Variants in PEG3 observed in about 807,000 individuals in gnomAD.
PEG3 encodes paternally expressed 3.
Under a neutral mutation model 35.5 loss-of-function variants are expected in PEG3, and 23 were observed. That is an observed-to-expected ratio of 0.65 (90% confidence interval 0.47 to 0.92). The LOEUF (loss-of-function observed/expected upper bound fraction) is 0.92. Among genes scored for constraint, PEG3 ranks in the 40% least tolerant of loss-of-function variants. PEG3 has a pLI of 0.00. For synonymous variants in PEG3, 707 were observed against 697.0 expected, an observed-to-expected ratio of 1.01 and a Z score of -0.23; for missense variants, 1,960 against 1,985.3, an observed-to-expected ratio of 0.99 and a Z score of 0.24.
In PEG3 at chr19:56,816,106, A is replaced by G. The variant is rs1186250570; in HGVS notation, c.2336T>C (p.Ile779Thr). ...AGCTTCCACAGAGGCTAAGCTATGA[A>G]TAACAGACCTCTCATATGATTTTGC... ...YEAKSYERSVIHSLASVEAQK... is the reference protein window; with the variant it reads ...YEAKSYERSVTHSLASVEAQK... Residue 779 changes from isoleucine (I) to threonine (T), a missense_variant, in exon 10 of 10, where the codon ATT (isoleucine) becomes ACT (threonine). Ile to Thr is a moderately conservative substitution (Grantham distance 89, BLOSUM62 -1). This residue lies in a region of PEG3 where 798 missense variants were observed against 782.4 expected (regional missense o/e 1.02). Coordinates refer to ENST00000326441, the MANE Select transcript of PEG3 (RefSeq NM_006210.3). The G allele has an allele frequency of 6.2e-7, 1 of 1,611,782 alleles. No individual in the cohort carries two copies. The highest frequency in any genetic ancestry group is 2.2e-5 in the East Asian group (1 of 44,844).
At chr19:56,829,702 C>T (rs1453906704) in intron 2 of PEG3, among the ~76,000 whole-genome samples, 5 of 152,222 alleles carry the variant, frequency 3.3e-5, no homozygotes, top group Admixed American at 1.3e-4. Flanking sequence ...GGATTCAACC[C>T]GTCCTCTACT....
Position 56,813,857 on chromosome 19 carries a change from T to C in PEG3, c.4585A>G (p.Ser1529Gly). 1 of 1,614,238 alleles carries C rather than the reference T, an allele frequency of 6.2e-7. No individual in the cohort carries two copies. The highest frequency in any genetic ancestry group is 8.5e-7 in the Non-Finnish European group (1 of 1,180,036). The change falls in exon 10 of 10, where the codon AGC (serine) becomes GGC (glycine). Residue 1529 changes from serine to glycine, a missense_variant. By Grantham distance (56) the Ser-to-Gly change is moderately conservative. This residue lies in a region of PEG3 where 416 missense variants were observed against 416.7 expected (regional missense o/e 1.00). Coordinates refer to ENST00000326441, the MANE Select transcript of PEG3 (RefSeq NM_006210.3). ...TTTGCAGGCTCAAATATGATCATGCTGGCATGAGTTTTCAGGTGTTCACTG... is the reference window on the plus strand; with the variant it reads ...TTTGCAGGCTCAAATATGATCATGCCGGCATGAGTTTTCAGGTGTTCACTG... ...AFSEHLKTHA[S>G]MIIFEPANAF...
chr19:56,819,267 T>C (rs996876966), intron 7 of PEG3, among the ~76,000 whole-genome samples: 1 of 152,234 alleles, frequency 6.6e-6, no homozygotes, highest in Non-Finnish European at 1.5e-5. Context: ...CTCCATGGCA[T>C]AGCATGGCTA....
intron 1 of PEG3, among the ~76,000 whole-genome samples, chr19:56,839,858 CCAGT>C (rs2062772850): frequency 6.6e-6 from 1 of 152,172 alleles, no homozygotes; most frequent in African/African-American, 2.4e-5. Flanking sequence ...CCAATGCCAC[CCAGT>C]CACTTGAGCC....
Position 56,813,988 on chromosome 19 carries a change from A to G in PEG3, c.4454T>C (p.Val1485Ala). 1 of 1,614,000 alleles carries G rather than the reference A, an allele frequency of 6.2e-7. No homozygotes were observed. Residue 1485 changes from valine to alanine, a missense_variant, in exon 10 of 10, where the codon GTG becomes GCG. Transcript: ENST00000326441. ...ACCTTCTTCTGGGTCTTCAATTCCC[A>G]CACCGTCAGGCTCGTCGGCATCTCC... The part of the protein sequence containing the change: ...PEGDADEPDG[V>A]GIEDPEEGED...
Position 56,815,776 on chromosome 19 carries a change from C to G in PEG3, c.2666G>C (p.Arg889Pro). 6.2e-7 allele frequency: 1 copy of G among 1,613,608 alleles called. No individual in the cohort carries two copies. Among genetic ancestry groups the G allele is most frequent in the Non-Finnish European group, 8.5e-7 (1 of 1,179,678 alleles). ...ENPCEGGSKN[R>P]NYEDSVIQSV... is the part of the protein sequence containing the mutation. ...CTGTATGACAGAGTCTTCATAGTTG[C>G]GATTCTTACTGCCCCCTTCACAAGG... Residue 889 changes from arginine (R) to proline (P), a missense_variant, in exon 10 of 10, where the codon CGC becomes CCC. Coordinates refer to ENST00000326441, the MANE Select transcript of PEG3 (RefSeq NM_006210.3).
intron 7 of PEG3, among the ~76,000 whole-genome samples, chr19:56,820,069 T>C (rs2060333025): frequency 6.6e-6 from 1 of 152,238 alleles, no homozygotes; most frequent in Admixed American, 6.5e-5. Flanking sequence ...AAAATTAAAA[T>C]CTAGGCCAGT....
chr19:56,820,121 A>G lies in PEG3; in HGVS notation c.670-1419T>C, dbSNP rs138442777. Among the ~76,000 whole-genome samples, 521 of 152,376 alleles carry G rather than the reference A, an allele frequency of 3.4e-3. 2 individuals are homozygous for G. The highest frequency in any genetic ancestry group is 0.012 in the African/African-American group (489 of 41,590). ...GTTGTTCGCTTTGTGTTTGTAATCA[A>G]CAATGACATCTTAATGCATACAAAC... On this transcript the variant is annotated intron_variant, in intron 7 of 9. Transcript: ENST00000326441.
chr19:56,824,341 C>A lies in PEG3; in HGVS notation c.315G>T (p.Trp105Cys), dbSNP rs1227589813. 1 of 1,613,900 alleles carries A rather than the reference C, an allele frequency of 6.2e-7. No homozygotes were observed. ...LTIIPEKLKP[W>C]VRAKKPENCE... Reference sequence around the variant, plus strand: ...AGTTCTCCGGCTTTTTTGCTCGCACCCAAGGCTTGAGCTTTTCAGGGATGA... The same window carrying A: ...AGTTCTCCGGCTTTTTTGCTCGCACACAAGGCTTGAGCTTTTCAGGGATGA... The change falls in exon 4 of 10, where the codon TGG becomes TGT. Residue 105 changes from tryptophan to cysteine, a missense_variant. Around this residue, in one of 5 missense-constraint regions of PEG3, gnomAD observed 613 missense variants for 577.1 expected, o/e 1.06. Coordinates refer to ENST00000326441, the MANE Select transcript of PEG3 (RefSeq NM_006210.3).
chr19:56,829,883 C>T (rs1315495851), intron 2 of PEG3, among the ~76,000 whole-genome samples: 1 of 152,220 alleles, frequency 6.6e-6, no homozygotes, highest in African/African-American at 2.4e-5. Flanking sequence ...CCCCCACTTC[C>T]CCAGGCCAGC....
In PEG3 at chr19:56,812,389, C is replaced by G. The variant is rs2059597585; in HGVS notation, c.*1286G>C. ...ATTAAGGCTGCTGGGGAACCTGAGT[C>G]CATGTTAAGCTTGGGTTGACTGTAA... On this transcript the variant is annotated 3_prime_UTR_variant, in exon 10 of 10. Coordinates refer to ENST00000326441, the MANE Select transcript of PEG3 (RefSeq NM_006210.3). 3.0e-6 allele frequency: 3 copies of G among 984,278 alleles called. No individual in the cohort carries two copies. Among genetic ancestry groups the G allele is most frequent in the Non-Finnish European group, 3.6e-6 (3 of 829,578 alleles). The allele number at this position is 984,278 out of a possible 1,614,324, so 61.0% of individuals were successfully genotyped here. A position where few individuals can be genotyped will look rare whatever the true frequency, so the allele number is the denominator to read the frequency against.
chr19:56,815,093 C>A lies in PEG3; in HGVS notation c.3349G>T (p.Val1117Leu), dbSNP rs763332875. 1.2e-6 allele frequency: 2 copies of A among 1,613,622 alleles called. No homozygotes were observed. Among genetic ancestry groups the A allele is most frequent in the Non-Finnish European group, 1.7e-6 (2 of 1,179,734 alleles). Residue 1117 changes from valine (V) to leucine (L), a missense_variant, in exon 10 of 10, where the codon GTG (valine) becomes TTG (leucine). By Grantham distance (32) the Val-to-Leu change is conservative. Coordinates refer to ENST00000326441, the MANE Select transcript of PEG3 (RefSeq NM_006210.3). ...YECEDCGLGF[V>L]DLTDLTDHQK... ...TGGTCTGTGAGGTCTGTGAGATCCA[C>A]AAAGCCCAGGCCACAGTCCTCACAT... is the stretch of plus-strand genomic sequence containing the variant.
chr19:56,817,639 T>C, intron 9 of PEG3, 60 bp from the exon 10 acceptor site: 8 of 1,515,712 alleles, frequency 5.3e-6, no homozygotes, highest in Non-Finnish European at 7.3e-6. Flanking sequence ...CAGTGGGACT[T>C]GGAGGGGTGC....
chr19:56,829,247 G>A lies in PEG3; in HGVS notation c.-162-2784C>T, dbSNP rs2061352126. 2.0e-5 allele frequency among the ~76,000 whole-genome samples: 3 copies of A among 151,704 alleles called. 1 individual carries two copies. Among genetic ancestry groups the A allele is most frequent in the Admixed American group, 6.6e-5 (1 of 15,230 alleles). ...TAATCCCAGCTACTCAGGAGGCTGAGGCAGGAGAATCACTTGGACCCAGGA... is the reference window on the plus strand; with the variant it reads ...TAATCCCAGCTACTCAGGAGGCTGAAGCAGGAGAATCACTTGGACCCAGGA... On this transcript the variant is annotated intron_variant, in intron 2 of 9. Coordinates refer to ENST00000326441, the MANE Select transcript of PEG3 (RefSeq NM_006210.3).
At position 56,814,645 on chromosome 19, in the gene PEG3, C is replaced by G. The variant is rs2059807760; in HGVS notation, c.3797G>C (p.Gly1266Ala). The G allele has an allele frequency of 6.2e-7, 1 of 1,614,114 alleles. No homozygotes were observed. The highest frequency in any genetic ancestry group is 8.5e-7 in the Non-Finnish European group (1 of 1,180,018). ...SQMAEEAIIPGLALTEFQRSQ... is the reference protein window; with the variant it reads ...SQMAEEAIIPALALTEFQRSQ... The stretch of plus-strand genomic sequence containing the variant: ...TCTCTGAAACTCAGTGAGGGCTAAG[C>G]CTGGAATGATAGCTTCCTCAGCCAT... Residue 1266 changes from glycine (G) to alanine (A), a missense_variant, in exon 10 of 10, where the codon GGC (glycine) becomes GCC (alanine). Gly to Ala is a moderately conservative substitution (Grantham distance 60, BLOSUM62 0). Coordinates refer to ENST00000326441, the MANE Select transcript of PEG3 (RefSeq NM_006210.3). The surrounding 1 kb of genome is among the most constrained non-coding windows in gnomAD (Gnocchi z 5.8).
rs1030058878 is a variant in PEG3 at position 56,813,989 on chromosome 19, C to T, written c.4453G>A (p.Val1485Met). ...PEGDADEPDG[V>M]GIEDPEEGED... ...CCTTCTTCTGGGTCTTCAATTCCCA[C>T]ACCGTCAGGCTCGTCGGCATCTCCC... The change falls in exon 10 of 10, where the codon GTG (valine) becomes ATG (methionine). Residue 1485 changes from valine (V) to methionine (M), a missense_variant. Val to Met is a conservative substitution (Grantham distance 21, BLOSUM62 1). Coordinates refer to ENST00000326441, the MANE Select transcript of PEG3 (RefSeq NM_006210.3). The T allele has an allele frequency of 6.2e-7, 1 of 1,614,118 alleles. No homozygotes were observed. The highest frequency in any genetic ancestry group is 8.5e-7 in the Non-Finnish European group (1 of 1,179,970).
At chr19:56,823,794 A>T in intron 4 of PEG3, 115 bp from the exon 5 acceptor site, 1 of 1,245,896 alleles carries the variant, frequency 8.0e-7, no homozygotes, top group South Asian at 1.3e-5. Flanking sequence ...GAATGACCTG[A>T]TCCTGACATT....
At chr19:56,824,791 C>T in intron 3 of PEG3, 50 bp from the exon 4 acceptor site, 1 of 831,364 alleles carries the variant, frequency 1.2e-6, no homozygotes, top group Non-Finnish European at 1.9e-6. Context: ...GAAGACCAGG[C>T]AGCAGTGGAG....
rs766056225 is a variant in PEG3, at chr19:56,811,117, T to C, written c.*2558A>G. 28 of 984,532 alleles carry C rather than the reference T, an allele frequency of 2.8e-5. No individual in the cohort carries two copies. Among genetic ancestry groups the C allele is most frequent in the Non-Finnish European group, 3.4e-5 (28 of 829,096 alleles). 61.0% of individuals were successfully genotyped at this position (984,532 alleles called of 1,614,324 possible). On this transcript the variant is annotated 3_prime_UTR_variant, in exon 10 of 10. Coordinates refer to ENST00000326441, the MANE Select transcript of PEG3 (RefSeq NM_006210.3). Reference sequence around the variant, plus strand: ...GGATATGATTTTTTTTCCTCCACTTTTCTGTATTTTCCAAGTGTGTGATAA... The same window carrying C: ...GGATATGATTTTTTTTCCTCCACTTCTCTGTATTTTCCAAGTGTGTGATAA...
Sources: gnomAD v4.1 joint callset for allele counts (sites outside exome capture counted in the v4.1 genomes callset) on GRCh38, gnomAD v4.1.1 for gene constraint, gnomAD v4.1.1 regional missense constraint, Gnocchi (gnomAD v3.1) non-coding constraint, MANE v1.5 for transcripts, NCBI Gene and HGNC (gene_info 2026-07-23, HGNC 2026-07-21) for gene names.